The following AGTPBP1 variants were observed in gnomAD, a reference collection of about 807,000 sequenced individuals.
The protein encoded by AGTPBP1 is cytosolic carboxypeptidase 1.
AGTPBP1 carries 70 observed loss-of-function variants against 143.9 expected under a neutral mutation model. The observed-to-expected ratio is 0.49, with a 90% CI of 0.40 to 0.59. The LOEUF (loss-of-function observed/expected upper bound fraction) is 0.59. AGTPBP1 is among the 20% of genes least tolerant of loss of function. The probability of loss-of-function intolerance (pLI) is 0.00; values close to 1 mark genes in which losing one functional copy is unlikely to be tolerated. For synonymous variants in AGTPBP1, 463 were observed against 500.2 expected (o/e 0.93, Z 0.99); for missense variants, 1,229 against 1,464.5 (o/e 0.84, Z 2.62).
At chr9:85,613,363 A>T (rs1830431731) in intron 17 of AGTPBP1, among the ~76,000 whole-genome samples, 1 of 152,046 alleles carries the variant, frequency 6.6e-6, no homozygotes, top group Non-Finnish European at 1.5e-5. Flanking sequence ...CAATAGAAAT[A>T]ATGAATAAAC....
chr9:85,560,919 A>G (rs1226076252), intron 25 of AGTPBP1, among the ~76,000 whole-genome samples: 2 of 152,176 alleles, frequency 1.3e-5, no homozygotes, highest in Non-Finnish European at 2.9e-5. Context: ...GTTTGAAGAG[A>G]ATATAGCTAA....
intron 1 of AGTPBP1, among the ~76,000 whole-genome samples, chr9:85,713,505 T>C (rs1210495609): frequency 6.6e-6 from 1 of 152,152 alleles, no homozygotes; most frequent in East Asian, 1.9e-4. Flanking sequence ...TACTCCAGCC[T>C]AGGCGACAAG....
chr9:85,752,774 AGGCT>A, the AGTPBP1 span, among the ~76,000 whole-genome samples: 1 of 152,194 alleles, frequency 6.6e-6, no homozygotes, highest in Admixed American at 6.5e-5. Flanking sequence ...TAGGAAGTTG[AGGCT>A]GGAGCATCAC....
At chr9:85,556,555 T>C (rs1376289564) in intron 25 of AGTPBP1, among the ~76,000 whole-genome samples, 2 of 152,146 alleles carry the variant, frequency 1.3e-5, no homozygotes, top group Non-Finnish European at 2.9e-5. Context: ...AACTGGATTA[T>C]AAAATACAAT....
At chr9:85,653,364 C>T (rs1356003465) in intron 11 of AGTPBP1, among the ~76,000 whole-genome samples, 1 of 152,180 alleles carries the variant, frequency 6.6e-6, no homozygotes, top group African/African-American at 2.4e-5. Context: ...ATATGCATTT[C>T]TAGTCCAGTG....
chr9:85,729,998 T>C (rs1336315428), intron 1 of AGTPBP1, among the ~76,000 whole-genome samples: 1 of 152,174 alleles, frequency 6.6e-6, no homozygotes, highest in Non-Finnish European at 1.5e-5. Flanking sequence ...CTAGTAAGGA[T>C]AGTCTGAGGT....
chr9:85,677,352 A>G, intron 6 of AGTPBP1, 84 bp downstream of exon 6: 2 of 1,256,752 alleles, frequency 1.6e-6, no homozygotes, highest in Non-Finnish European at 2.2e-6. Context: ...TAACATTTTT[A>G]AAAACTGAGT....
intron 10 of AGTPBP1, among the ~76,000 whole-genome samples, chr9:85,655,850 T>G (rs539770603): frequency 2.0e-5 from 3 of 152,110 alleles, no homozygotes; most frequent in Non-Finnish European, 4.4e-5. Flanking sequence ...GGTTTTGAGA[T>G]GGAATCTCGC....
At chr9:85,787,598 G>C in the AGTPBP1 span, among the ~76,000 whole-genome samples, 1 of 151,936 alleles carries the variant, frequency 6.6e-6, no homozygotes, top group Non-Finnish European at 1.5e-5. Context: ...GTACAATTTA[G>C]TTTGGAATTA....
At chr9:85,593,009 T>A (rs776237568) in intron 18 of AGTPBP1, among the ~76,000 whole-genome samples, 1 of 152,142 alleles carries the variant, frequency 6.6e-6, no homozygotes, top group Non-Finnish European at 1.5e-5. Context: ...TAGAAAATGA[T>A]CATCAATGGC....
At chr9:85,608,176 T>C (rs1830099959) in intron 17 of AGTPBP1, among the ~76,000 whole-genome samples, 1 of 152,064 alleles carries the variant, frequency 6.6e-6, no homozygotes, top group Admixed American at 6.6e-5. Flanking sequence ...GGGGTTGAAA[T>C]CTTTAAAGTA....
intron 2 of AGTPBP1, among the ~76,000 whole-genome samples, chr9:85,700,231 C>T (rs966941213): frequency 2.6e-5 from 4 of 152,202 alleles, no homozygotes; most frequent in Non-Finnish European, 5.9e-5. Context: ...ACTACCAAAA[C>T]GAACAACTCC....
rs774901271 is a variant in AGTPBP1 at position 85,547,143 on chromosome 9, G to A, written c.3647C>T (p.Ser1216Phe). 1 of 1,612,660 alleles carries A rather than the reference G, an allele frequency of 6.2e-7. No individual in the cohort carries two copies. Among genetic ancestry groups the A allele is most frequent in the South Asian group, 1.1e-5 (1 of 90,840 alleles). Residue 1216 changes from serine to phenylalanine, a missense_variant, in exon 26 of 26, where the codon TCT becomes TTT. Ser to Phe is a radical substitution (Grantham distance 155, BLOSUM62 -2). This residue lies in a region of AGTPBP1 where 486 missense variants were observed against 652.3 expected (regional missense o/e 0.75). Transcript: ENST00000357081. ...YEPSAQEEVLSDSELSRTYLP is the reference protein window; with the variant it reads ...YEPSAQEEVLFDSELSRTYLP ...GTATGTTCTTGATAATTCAGAGTCA[G>A]AAAGTACTTCTTCTTGAGCAGAAGG...
At chr9:85,743,874 A>G (rs1436757835), upstream of AGTPBP1, among the ~76,000 whole-genome samples, 1 of 151,442 alleles carries the variant, frequency 6.6e-6, no homozygotes, top group Non-Finnish European at 1.5e-5. Context: ...CTCAGCCTCC[A>G]AAAGGTAAAG....
At chr9:85,611,766 C>G (rs1380316780) in intron 17 of AGTPBP1, among the ~76,000 whole-genome samples, 1 of 152,138 alleles carries the variant, frequency 6.6e-6, no homozygotes, top group African/African-American at 2.4e-5. Flanking sequence ...CTGCAACCTC[C>G]ACCTCCCGAG....
intron 1 of AGTPBP1, among the ~76,000 whole-genome samples, chr9:85,731,475 T>C (rs1838876885): frequency 1.3e-5 from 2 of 152,078 alleles, no homozygotes; most frequent in South Asian, 4.1e-4. Context: ...TTTGTTTGTT[T>C]TTGAGACACG....
At chr9:85,573,929 G>T (rs1391991803) in intron 25 of AGTPBP1, among the ~76,000 whole-genome samples, 1 of 152,234 alleles carries the variant, frequency 6.6e-6, no homozygotes, top group East Asian at 1.9e-4. Context: ...TCTGAGAAGT[G>T]AGGAGCCCCT....
At position 85,579,072 on chromosome 9, in the gene AGTPBP1, T is replaced by TA; in HGVS notation, c.3189dup (p.Ile1064TyrfsTer11). 5 of 1,606,666 alleles carry TA rather than the reference T, an allele frequency of 3.1e-6. No homozygotes were observed. Among genetic ancestry groups the TA allele is most frequent in the Non-Finnish European group, 4.2e-6 (5 of 1,177,856 alleles). ...CTGCTCATGCAAAATGCTGGGGCGA[T>TA]ATGGCTCAGTATCTTAGGCAATGTC... On this transcript the variant is annotated frameshift_variant, in exon 24 of 26. Transcript: ENST00000357081. LOFTEE classifies it high-confidence loss of function.
chr9:85,734,849 C>T (rs546134188), intron 1 of AGTPBP1, among the ~76,000 whole-genome samples: 28 of 152,042 alleles, frequency 1.8e-4, no homozygotes, highest in African/African-American at 4.3e-4. Flanking sequence ...CTGGTTAATA[C>T]GGTAGAACCC....
Sources: gnomAD v4.1 joint callset for allele counts (sites outside exome capture counted in the v4.1 genomes callset) on GRCh38, gnomAD v4.1.1 for gene constraint, gnomAD v4.1.1 regional missense constraint, MANE v1.5 for transcripts, NCBI Gene and HGNC (gene_info 2026-07-23, HGNC 2026-07-21) for gene names.